KCNIP1: variants seen among roughly 807,000 people sequenced by gnomAD.
KCNIP1 encodes the protein A-type potassium channel modulatory protein KCNIP1.
Under a neutral mutation model 33.0 loss-of-function variants are expected in KCNIP1, and 18 were observed. The observed-to-expected ratio is 0.55, with a 90% CI of 0.38 to 0.81. The LOEUF (loss-of-function observed/expected upper bound fraction) is 0.81. KCNIP1 is among the 30% of genes least tolerant of loss of function. The pLI is 0.00. For synonymous variants in KCNIP1, 93 were observed against 98.3 expected (o/e 0.95, Z 0.32); for missense variants, 238 against 271.6 (o/e 0.88, Z 0.87).
intron 1 of KCNIP1, among the ~76,000 whole-genome samples, chr5:170,518,413 A>G (rs1364386302): frequency 6.6e-6 from 1 of 152,188 alleles, no homozygotes; most frequent in African/African-American, 2.4e-5. Context: ...TGGTACTTTC[A>G]GAATCATTTT....
chr5:170,396,859 A>G (rs1225116186), intron 1 of KCNIP1, among the ~76,000 whole-genome samples: 2 of 152,208 alleles, frequency 1.3e-5, no homozygotes, highest in Non-Finnish European at 2.9e-5. Flanking sequence ...TGAGAAAAAG[A>G]CTTAGAAAGG....
chr5:170,542,633 G>C (rs1234020776), intron 1 of KCNIP1, among the ~76,000 whole-genome samples: 1 of 152,132 alleles, frequency 6.6e-6, no homozygotes, highest in East Asian at 1.9e-4. Context: ...ATCACAGATA[G>C]TGCCAAACCC....
At chr5:170,472,382 G>A (rs1735073673) in intron 1 of KCNIP1, among the ~76,000 whole-genome samples, 1 of 152,142 alleles carries the variant, frequency 6.6e-6, no homozygotes, top group Non-Finnish European at 1.5e-5. Context: ...TAAGGGATGG[G>A]GTGAAATTGG....
At chr5:170,594,980 G>A (rs1758394391) in intron 1 of KCNIP1, among the ~76,000 whole-genome samples, 1 of 152,196 alleles carries the variant, frequency 6.6e-6, no homozygotes, top group Admixed American at 6.5e-5. Context: ...AATGCCACAT[G>A]AGCGGCTAGG....
Position 170,735,885 on chromosome 5 carries a change from G to A in KCNIP1, c.*79G>A, listed in dbSNP as rs144744711. On this transcript the variant is annotated 3_prime_UTR_variant, in exon 8 of 8. Coordinates refer to ENST00000328939, the MANE Select transcript of KCNIP1 (RefSeq NM_014592.4). Reference sequence around the variant, plus strand: ...TAACACCCTGATCTGCCCTTGTTCTGATTTTACACACCAACTCTTGGGACA... The same window carrying A: ...TAACACCCTGATCTGCCCTTGTTCTAATTTTACACACCAACTCTTGGGACA... 358 of 1,229,366 alleles carry A rather than the reference G, an allele frequency of 2.9e-4. 1 individual carries two copies. The highest frequency in any genetic ancestry group is 9.4e-4 in the Middle Eastern group (5 of 5,318). 76.2% of individuals were successfully genotyped at this position (1,229,366 alleles called of 1,614,324 possible). A position where few individuals can be genotyped will look rare whatever the true frequency, so the allele number is the denominator to read the frequency against.
At position 170,722,732 on chromosome 5, in the gene KCNIP1, C is replaced by A; in HGVS notation, c.347C>A (p.Ser116Ter). The A allele has an allele frequency of 6.2e-7, 1 of 1,613,100 alleles. No homozygotes were observed. Among genetic ancestry groups the A allele is most frequent in the South Asian group, 1.1e-5 (1 of 90,994 alleles). Residue 116 changes from serine to a stop codon, truncating the protein, a stop_gained, in exon 5 of 8, where the codon TCG becomes TAG. Coordinates refer to ENST00000328939, the MANE Select transcript of KCNIP1 (RefSeq NM_014592.4). LOFTEE classifies it high-confidence loss of function. ...VKFEDFVTALSILLRGTVHEK... is the reference protein window; with the variant it reads ...VKFEDFVTAL ...TCTCAGGACTTTGTAACCGCTCTGT[C>A]GATTTTATTGAGAGGAACTGTCCAC...
intron 1 of KCNIP1, among the ~76,000 whole-genome samples, chr5:170,539,072 T>A (rs1561675955): frequency 6.6e-6 from 1 of 151,956 alleles, no homozygotes; most frequent in Non-Finnish European, 1.5e-5. Flanking sequence ...CCAGAATCTG[T>A]CTCATTTCGT....
At chr5:170,589,096 T>G (rs915227731) in intron 1 of KCNIP1, among the ~76,000 whole-genome samples, 2 of 151,492 alleles carry the variant, frequency 1.3e-5, no homozygotes, top group Non-Finnish European at 2.9e-5. Flanking sequence ...CCTCCTGGGT[T>G]CACACCATTC....
rs1053905600 is a variant in KCNIP1, at chr5:170,632,943, TGGGTTGGGGCTTGAGCAC to T, written c.62-85808_62-85791del. Among the ~76,000 whole-genome samples the T allele has an allele frequency of 1.5e-4, 22 of 151,542 alleles. No individual in the cohort carries two copies. The East Asian group carries it at 3.5e-3, about 24-fold the overall frequency. On this transcript the variant is annotated intron_variant, in intron 1 of 7. Coordinates refer to ENST00000328939, the MANE Select transcript of KCNIP1 (RefSeq NM_014592.4). ...TGCACAGCGTTCCCTCGCGTGGGGG[TGGGTTGGGGCTTGAGCAC>T]GGGTTGAACCTGGAAGAGGCCATTT... is the stretch of plus-strand genomic sequence containing the variant.
chr5:170,623,799 G>A (rs1759707661), intron 1 of KCNIP1, among the ~76,000 whole-genome samples: 1 of 152,192 alleles, frequency 6.6e-6, no homozygotes, highest in Non-Finnish European at 1.5e-5. Flanking sequence ...CGGGGCCCAA[G>A]TACTCAGGAA....
chr5:170,560,576 G>A (rs1757003674), intron 1 of KCNIP1, among the ~76,000 whole-genome samples: 1 of 152,102 alleles, frequency 6.6e-6, no homozygotes, highest in Admixed American at 6.5e-5. Flanking sequence ...TCAGGGACCA[G>A]GATGGTCCTT....
intron 1 of KCNIP1, among the ~76,000 whole-genome samples, chr5:170,709,390 A>C (rs960091505): frequency 6.6e-6 from 1 of 152,232 alleles, no homozygotes; most frequent in Non-Finnish European, 1.5e-5. Context: ...CCTTTTACAT[A>C]AGAATTCTCT....
intron 1 of KCNIP1, among the ~76,000 whole-genome samples, chr5:170,591,000 A>G (rs113682110): frequency 0.016 from 2,390 of 152,294 alleles, 54 homozygotes; most frequent in African/African-American, 0.054. Context: ...TGGGCATCTG[A>G]CCACACAGAC....
In KCNIP1 at chr5:170,378,556, G is replaced by T. The variant is rs1036250676; in HGVS notation, c.88+24592G>T. ...GACTTCACAAAAGGATTTCTCAAAG[G>T]TTAGTCCTGCAACAGAAGACAGCGT... On this transcript the variant is annotated intron_variant, in intron 1 of 7. Transcript: ENST00000377360. 3.5e-6 allele frequency: 3 copies of T among 861,928 alleles called. No homozygotes were observed. The Admixed American group carries it at 7.0e-5, about 20-fold the overall frequency. The allele number at this position is 861,928 out of a possible 1,614,324, so 53.4% of individuals were successfully genotyped here.
chr5:170,621,786 A>G (rs1054487385), intron 1 of KCNIP1, among the ~76,000 whole-genome samples: 3 of 152,182 alleles, frequency 2.0e-5, no homozygotes, highest in African/African-American at 7.2e-5. Flanking sequence ...TGGGATTACA[A>G]CTGTGAGCCA....
chr5:170,721,726 C>T (rs751165941), intron 3 of KCNIP1, 107 bp from the exon 4 acceptor site: 11 of 1,613,250 alleles, frequency 6.8e-6, no homozygotes, highest in Middle Eastern at 1.6e-4. Flanking sequence ...TTCCATCACC[C>T]TAGCATCACT....
intron 1 of KCNIP1, among the ~76,000 whole-genome samples, chr5:170,648,040 G>A (rs948939159): frequency 6.6e-6 from 1 of 152,138 alleles, no homozygotes; most frequent in Non-Finnish European, 1.5e-5. Context: ...CTCCACATAT[G>A]TCATTAGGGA....
chr5:170,631,350 G>A (rs1286251111), intron 1 of KCNIP1, among the ~76,000 whole-genome samples: 2 of 152,184 alleles, frequency 1.3e-5, no homozygotes, highest in African/African-American at 4.8e-5. Flanking sequence ...GCTCAGGAAA[G>A]GCTGAGGGTG....
chr5:170,496,300 T>C (rs1425153876), intron 1 of KCNIP1, among the ~76,000 whole-genome samples: 1 of 152,220 alleles, frequency 6.6e-6, no homozygotes, highest in Non-Finnish European at 1.5e-5. Context: ...CCCAGTGAAC[T>C]GCTGCCTCCC....
Sources: allele counts gnomAD v4.1 joint callset (sites outside exome capture counted in the v4.1 genomes callset), GRCh38; gene constraint gnomAD v4.1.1; transcripts MANE v1.5; gene names NCBI Gene and HGNC (gene_info 2026-07-23, HGNC 2026-07-21).